Variants in ANTXR1 observed in about 807,000 individuals in gnomAD.
ANTXR1 encodes ANTXR cell adhesion molecule 1.
In ANTXR1, 19 loss-of-function variants were observed where a neutral mutation model predicts 78.1. The ratio of observed to expected loss-of-function variants is 0.24; its 90% CI spans 0.17 to 0.36. ANTXR1 has a LOEUF of 0.36. Among genes scored for constraint, ANTXR1 ranks in the 10% least tolerant of loss-of-function variants. The probability of loss-of-function intolerance (pLI) is 1.00; values close to 1 mark genes in which losing one functional copy is unlikely to be tolerated. For missense variants in ANTXR1, 518 were observed against 718.6 expected, an observed-to-expected ratio of 0.72 and a Z score of 3.19; for synonymous variants, 273 against 260.5, an observed-to-expected ratio of 1.05 and a Z score of -0.46.
chr2:69,168,513 C>A (rs928166108), intron 13 of ANTXR1, among the ~76,000 whole-genome samples: 3 of 152,172 alleles, frequency 2.0e-5, no homozygotes, highest in Non-Finnish European at 4.4e-5. Context: ...AACCTCTTCA[C>A]ACCCAGGGGC....
chr2:69,105,309 A>T (rs1239718069), intron 10 of ANTXR1, among the ~76,000 whole-genome samples: 4 of 152,190 alleles, frequency 2.6e-5, no homozygotes, highest in African/African-American at 9.6e-5. Flanking sequence ...TGGGGTAGGG[A>T]TTTGGCTTAA....
At chr2:69,207,158 C>G (rs1372740685) in intron 17 of ANTXR1, among the ~76,000 whole-genome samples, 1 of 152,190 alleles carries the variant, frequency 6.6e-6, no homozygotes, top group Non-Finnish European at 1.5e-5. Flanking sequence ...AAAAAAAAGT[C>G]CAAGACTAGG....
At chr2:69,124,680 T>C in intron 12 of ANTXR1, 37 bp downstream of exon 12, 1 of 1,601,452 alleles carries the variant, frequency 6.2e-7, no homozygotes. Context: ...AAGATCTCAT[T>C]ATCATTGTCA....
chr2:69,086,926 T>G (rs746462083), intron 8 of ANTXR1, among the ~76,000 whole-genome samples: 1 of 152,242 alleles, frequency 6.6e-6, no homozygotes, highest in African/African-American at 2.4e-5. Context: ...TCAGTTTTCC[T>G]TGATCTCATG....
At chr2:69,111,361 G>A (rs1437827994) in intron 10 of ANTXR1, among the ~76,000 whole-genome samples, 1 of 152,222 alleles carries the variant, frequency 6.6e-6, no homozygotes, top group Non-Finnish European at 1.5e-5. Context: ...GAGCTGAGAA[G>A]TGATCCATTT....
At chr2:69,054,415 G>A (rs749358451) in intron 3 of ANTXR1, among the ~76,000 whole-genome samples, 9 of 152,096 alleles carry the variant, frequency 5.9e-5, no homozygotes, top group South Asian at 2.1e-4. Context: ...GCCTATGCCC[G>A]CTATACATTT....
intron 14 of ANTXR1, among the ~76,000 whole-genome samples, chr2:69,171,936 C>T (rs111808523): frequency 5.3e-5 from 8 of 152,210 alleles, no homozygotes; most frequent in African/African-American, 1.9e-4. Flanking sequence ...AGAATGACAA[C>T]CTCAGAATGC....
intron 1 of ANTXR1, among the ~76,000 whole-genome samples, chr2:69,033,827 A>G (rs979569473): frequency 1.3e-5 from 2 of 152,232 alleles, no homozygotes; most frequent in Non-Finnish European, 2.9e-5. Context: ...TCTGTGTGCA[A>G]AAGAAGGGAG....
chr2:69,144,236 C>G (rs1022618898), intron 12 of ANTXR1, among the ~76,000 whole-genome samples: 4 of 152,194 alleles, frequency 2.6e-5, no homozygotes, highest in Non-Finnish European at 5.9e-5. Flanking sequence ...GCAGAGGCCT[C>G]CAGCCTCCCT....
At chr2:69,217,227 A>G (rs1675200330) in intron 17 of ANTXR1, among the ~76,000 whole-genome samples, 1 of 152,184 alleles carries the variant, frequency 6.6e-6, no homozygotes, top group Non-Finnish European at 1.5e-5. Context: ...ACCAGTCAGC[A>G]GTTCCCACCA....
intron 13 of ANTXR1, among the ~76,000 whole-genome samples, chr2:69,160,688 A>C (rs571197442): frequency 6.6e-6 from 1 of 152,328 alleles, no homozygotes; most frequent in African/African-American, 2.4e-5. Context: ...TGAGTTTTAA[A>C]GACATCCTTA....
chr2:69,211,882 C>T (rs1244306487), intron 17 of ANTXR1, among the ~76,000 whole-genome samples: 1 of 152,206 alleles, frequency 6.6e-6, no homozygotes, highest in Non-Finnish European at 1.5e-5. Flanking sequence ...CATATGTATT[C>T]CCACCTGTGG....
At chr2:69,018,036 T>C (rs758890057) in intron 1 of ANTXR1, among the ~76,000 whole-genome samples, 1 of 152,146 alleles carries the variant, frequency 6.6e-6, no homozygotes, top group Non-Finnish European at 1.5e-5. Context: ...ATGTTATGTG[T>C]GCCCTGAAGA....
intron 12 of ANTXR1, chr2:69,146,138 T>C: frequency 1.0e-6 from 1 of 985,460 alleles, no homozygotes; most frequent in Non-Finnish European, 1.2e-6. Context: ...TCGTATTGAA[T>C]GTTGCCTGTC....
intron 7 of ANTXR1, chr2:69,077,130 G>C: frequency 1.9e-6 from 1 of 516,490 alleles, no homozygotes; most frequent in Non-Finnish European, 3.5e-6. Flanking sequence ...CAGGCCAAGC[G>C]TTCATCAAGC....
At chr2:69,118,919 G>T (rs1558567617) in intron 10 of ANTXR1, among the ~76,000 whole-genome samples, 1 of 152,170 alleles carries the variant, frequency 6.6e-6, no homozygotes, top group Non-Finnish European at 1.5e-5. Flanking sequence ...TCCTCTCGGA[G>T]CAGAAAATGC....
intron 13 of ANTXR1, among the ~76,000 whole-genome samples, chr2:69,156,054 A>G (rs1364868458): frequency 3.9e-5 from 6 of 152,006 alleles, no homozygotes; most frequent in Non-Finnish European, 8.8e-5. Context: ...CGCTCCCAAG[A>G]TATCAGTCAC....
At chr2:69,039,363 T>C (rs1294160598) in intron 1 of ANTXR1, among the ~76,000 whole-genome samples, 1 of 152,216 alleles carries the variant, frequency 6.6e-6, no homozygotes, top group Non-Finnish European at 1.5e-5. Flanking sequence ...TGATTCCGTA[T>C]GTCCTAGGGA....
chr2:69,218,646 G>A (rs539043080), intron 17 of ANTXR1, among the ~76,000 whole-genome samples: 2 of 152,284 alleles, frequency 1.3e-5, no homozygotes, highest in South Asian at 4.1e-4. Flanking sequence ...GTGAAACTGG[G>A]CTGTTCTAGG....
Sources: allele counts gnomAD v4.1 joint callset (sites outside exome capture counted in the v4.1 genomes callset), GRCh38; gene constraint gnomAD v4.1.1; transcripts MANE v1.5; gene names NCBI Gene and HGNC (gene_info 2026-07-23, HGNC 2026-07-21).